The following RBFOX3 variants were observed in gnomAD, a reference collection of about 807,000 sequenced individuals.
RBFOX3 encodes RNA binding fox-1 homolog 3, also known as RNA binding protein fox-1 homolog 3.
A neutral mutation model predicts 48.7 loss-of-function variants in RBFOX3; 17 were observed. The observed-to-expected ratio is 0.35, with a 90% CI of 0.24 to 0.52. The LOEUF (loss-of-function observed/expected upper bound fraction) is 0.52. Among genes scored for constraint, RBFOX3 ranks in the 20% least tolerant of loss-of-function variants. RBFOX3 has a pLI of 0.94. For synonymous variants in RBFOX3, 212 were observed against 209.5 expected (o/e 1.01, Z -0.10); for missense variants, 382 against 497.5 (o/e 0.77, Z 2.21).
At chr17:79,611,209 C>CCG (rs2093966684), upstream of RBFOX3, among the ~76,000 whole-genome samples, 1 of 144,480 alleles carries the variant, frequency 6.9e-6, no homozygotes, top group African/African-American at 2.7e-5. Flanking sequence ...CTCTCTCTCT[C>CCG]TCTCGTTCCT....
chr17:79,534,677 G>A (rs2088398699), intron 1 of RBFOX3, among the ~76,000 whole-genome samples: 2 of 152,172 alleles, frequency 1.3e-5, no homozygotes, highest in Admixed American at 1.3e-4. Context: ...CCATTGCCGT[G>A]CCAGCCCCAA....
intron 4 of RBFOX3, among the ~76,000 whole-genome samples, chr17:79,191,046 A>T (rs2054422297): frequency 6.6e-6 from 1 of 152,212 alleles, no homozygotes; most frequent in Admixed American, 6.5e-5. Context: ...GACCCATGGG[A>T]AGAGGTCAAG....
At chr17:79,145,524 C>T (rs571814501) in intron 4 of RBFOX3, among the ~76,000 whole-genome samples, 27 of 152,330 alleles carry the variant, frequency 1.8e-4, no homozygotes, top group African/African-American at 5.1e-4. Flanking sequence ...CCGTGTTCTC[C>T]GGAGCCAGCC....
intron 1 of RBFOX3, among the ~76,000 whole-genome samples, chr17:79,505,807 C>T (rs1164871059): frequency 6.6e-6 from 1 of 152,212 alleles, no homozygotes; most frequent in Non-Finnish European, 1.5e-5. Flanking sequence ...TCTATCGCTG[C>T]TATTAAGTGC....
At chr17:79,279,547 A>G (rs1241375061) in intron 3 of RBFOX3, among the ~76,000 whole-genome samples, 1 of 152,206 alleles carries the variant, frequency 6.6e-6, no homozygotes, top group Non-Finnish European at 1.5e-5. Context: ...AATAGAGCGA[A>G]GGCATGACCC....
intron 2 of RBFOX3, among the ~76,000 whole-genome samples, chr17:79,344,216 AG>A (rs2082526380): frequency 1.3e-5 from 2 of 152,154 alleles, no homozygotes; most frequent in African/African-American, 4.8e-5. Flanking sequence ...GACTTTAAGG[AG>A]TCAAGACCTA....
chr17:79,208,976 C>T (rs1482748512), intron 4 of RBFOX3, among the ~76,000 whole-genome samples: 5 of 152,150 alleles, frequency 3.3e-5, no homozygotes, highest in Admixed American at 2.6e-4. Context: ...CCACCACGCC[C>T]GGCTAATTTT....
chr17:79,117,294 T>C (rs1368787951), intron 4 of RBFOX3, among the ~76,000 whole-genome samples: 1 of 152,214 alleles, frequency 6.6e-6, no homozygotes, highest in African/African-American at 2.4e-5. Flanking sequence ...TCAGCCACCC[T>C]GGCAGGGACA....
intron 3 of RBFOX3, among the ~76,000 whole-genome samples, chr17:79,246,864 G>C (rs2063242413): frequency 1.3e-5 from 2 of 152,160 alleles, no homozygotes; most frequent in Admixed American, 1.3e-4. Context: ...CAATGGGATG[G>C]GGGTGGGGGG....
intron 2 of RBFOX3, among the ~76,000 whole-genome samples, chr17:79,403,936 C>T (rs569429157): frequency 1.6e-4 from 24 of 152,168 alleles, no homozygotes; most frequent in African/African-American, 3.1e-4. Context: ...CCCGCCACCA[C>T]GCCTGGCTAA....
intron 4 of RBFOX3, among the ~76,000 whole-genome samples, chr17:79,139,904 T>A (rs544363721): frequency 6.6e-6 from 1 of 152,280 alleles, no homozygotes; most frequent in South Asian, 2.1e-4. Context: ...ACTATCCCCA[T>A]GTTACTGATG....
At chr17:79,138,982 C>T (rs866395694) in intron 4 of RBFOX3, among the ~76,000 whole-genome samples, 63 of 149,214 alleles carry the variant, frequency 4.2e-4, no homozygotes, top group African/African-American at 1.5e-3. Context: ...CATGCGTTCA[C>T]ACCCCCTCAC....
Position 79,359,985 on chromosome 17 carries a change from C to T in RBFOX3, c.-174-52161G>A, listed in dbSNP as rs577896395. On this transcript the variant is annotated intron_variant, in intron 2 of 14. Coordinates refer to ENST00000693108, the MANE Select transcript of RBFOX3 (RefSeq NM_001350451.2). ...AAGCAATACTCCTGCCTTGGCCTCT[C>T]AAAGTGCTGGAATTACAGGCGTGAG... is the stretch of plus-strand genomic sequence containing the variant. Among the ~76,000 whole-genome samples the T allele has an allele frequency of 2.0e-5, 3 of 152,216 alleles. No homozygotes were observed. The South Asian group carries it at 6.2e-4, about 32-fold the overall frequency.
At chr17:79,295,171 A>G (rs894303555) in intron 3 of RBFOX3, among the ~76,000 whole-genome samples, 2 of 152,182 alleles carry the variant, frequency 1.3e-5, no homozygotes, top group Admixed American at 6.5e-5. Context: ...ACCTGGCACC[A>G]GTGGTTGGGG....
intron 2 of RBFOX3, among the ~76,000 whole-genome samples, chr17:79,374,363 G>C (rs1324873644): frequency 2.0e-5 from 3 of 152,182 alleles, no homozygotes; most frequent in African/African-American, 7.2e-5. Flanking sequence ...GCGGGGGCAG[G>C]CTGCTCTGTG....
intron 1 of RBFOX3, among the ~76,000 whole-genome samples, chr17:79,554,722 G>A (rs2091480385): frequency 6.6e-6 from 1 of 152,254 alleles, no homozygotes; most frequent in Non-Finnish European, 1.5e-5. Context: ...AGGGTGGATA[G>A]TAATTTTGAT....
At chr17:79,594,187 T>C (rs2093503583) in intron 1 of RBFOX3, among the ~76,000 whole-genome samples, 1 of 152,056 alleles carries the variant, frequency 6.6e-6, no homozygotes, top group Non-Finnish European at 1.5e-5. Flanking sequence ...AGTAGAAGAA[T>C]CTCAGAGCTA....
intron 1 of RBFOX3, among the ~76,000 whole-genome samples, chr17:79,584,924 C>T (rs1177029465): frequency 6.6e-6 from 1 of 152,052 alleles, no homozygotes; most frequent in South Asian, 2.1e-4. Flanking sequence ...CGCCACCACA[C>T]CCAGCTACTT....
intron 2 of RBFOX3, among the ~76,000 whole-genome samples, chr17:79,327,920 T>C (rs1255579259): frequency 6.6e-6 from 1 of 152,230 alleles, no homozygotes; most frequent in African/African-American, 2.4e-5. Context: ...GGTCTCAATC[T>C]CCTGACCTCA....
Sources: allele counts gnomAD v4.1 joint callset (sites outside exome capture counted in the v4.1 genomes callset), GRCh38; gene constraint gnomAD v4.1.1; transcripts MANE v1.5; gene names NCBI Gene and HGNC (gene_info 2026-07-23, HGNC 2026-07-21).